DERA: variants seen among roughly 807,000 people sequenced by gnomAD.
DERA encodes 2-deoxy-D-ribose 5-phosphate aldolase.
A neutral mutation model predicts 41.1 loss-of-function variants in DERA; 15 were observed. That is an observed-to-expected ratio of 0.37 (90% CI 0.24 to 0.56). DERA has a LOEUF of 0.56. Ranked by LOEUF, DERA falls within the 20% of genes least tolerant of loss-of-function variation. DERA has a pLI of 0.81. For synonymous variants in DERA, 139 were observed against 137.4 expected, an observed-to-expected ratio of 1.01 and a Z score of -0.08; for missense variants, 396 against 403.4, an observed-to-expected ratio of 0.98 and a Z score of 0.16.
intron 1 of DERA, among the ~76,000 whole-genome samples, chr12:15,916,587 A>G (rs1215202893): frequency 1.3e-5 from 2 of 150,698 alleles, no homozygotes; most frequent in African/African-American, 4.9e-5. Context: ...AGTAGCTGGG[A>G]TTACAGGCAT....
chr12:15,919,362 A>G (rs1948224911), intron 1 of DERA, among the ~76,000 whole-genome samples: 1 of 152,208 alleles, frequency 6.6e-6, no homozygotes, highest in South Asian at 2.1e-4. Flanking sequence ...CTGCCAGGAA[A>G]GAAAGACTAG....
At chr12:15,930,118 A>G (rs1221826576) in intron 1 of DERA, among the ~76,000 whole-genome samples, 1 of 152,212 alleles carries the variant, frequency 6.6e-6, no homozygotes, top group African/African-American at 2.4e-5. Context: ...GAGCCACAAT[A>G]AGAATTACAG....
rs1018837907 is a variant in DERA, at chr12:15,981,514, CTTAAATAA to C, written c.509-791_509-784del. On this transcript the variant is annotated intron_variant, in intron 5 of 8. Transcript: ENST00000428559. This position sits in a 1 kb window ranked among gnomAD's most constrained non-coding sequence, Gnocchi z 6.1. The stretch of plus-strand genomic sequence containing the variant: ...ATTCACTAGTATCATTGACAAAAGA[CTTAAATAA>C]TTTTTTAAAGATTTAATACACATGA... Among the ~76,000 whole-genome samples the C allele has an allele frequency of 6.6e-6, 1 of 152,154 alleles. No individual in the cohort carries two copies. Among genetic ancestry groups the C allele is most frequent in the Admixed American group, 6.5e-5 (1 of 15,278 alleles).
intron 4 of DERA, among the ~76,000 whole-genome samples, chr12:15,960,467 ATC>A (rs933258498): frequency 4.0e-5 from 6 of 151,110 alleles, no homozygotes; most frequent in Admixed American, 6.6e-5. Flanking sequence ...GCAAAACCCC[ATC>A]TCTACTAAAA....
chr12:15,912,744 A>G (rs1948173622), intron 1 of DERA, among the ~76,000 whole-genome samples: 1 of 152,228 alleles, frequency 6.6e-6, no homozygotes, highest in Non-Finnish European at 1.5e-5. Flanking sequence ...TGTAACACAT[A>G]CAGGTAGGTC....
At chr12:15,977,995 A>G (rs1250806854) in intron 5 of DERA, among the ~76,000 whole-genome samples, 1 of 152,212 alleles carries the variant, frequency 6.6e-6, no homozygotes, top group African/African-American at 2.4e-5. Context: ...CAGCAGTTAT[A>G]ATAACTCCAT....
rs551618460 is a variant in DERA at position 16,014,845 on chromosome 12, C to T, written c.638-17697C>T. Among the ~76,000 whole-genome samples the T allele has an allele frequency of 6.6e-6, 1 of 152,322 alleles. No homozygotes were observed. The highest frequency in any genetic ancestry group is 2.1e-4 in the South Asian group (1 of 4,826). On this transcript the variant is annotated intron_variant, in intron 6 of 8. Transcript: ENST00000428559. The surrounding 1 kb of genome is among the most constrained non-coding windows in gnomAD (Gnocchi z 5.4). Reference sequence around the variant, plus strand: ...ACCCTGCAAAGCCACAGGGGTGGAGCTGCCCAAGACCATTGGAACCCACCT... The same window carrying T: ...ACCCTGCAAAGCCACAGGGGTGGAGTTGCCCAAGACCATTGGAACCCACCT...
At position 15,960,636 on chromosome 12, in the gene DERA, C is replaced by CAAAAAAAAAAAAAAAAAAAA. The variant is rs1163104277; in HGVS notation, c.373+720_373+739dup. On this transcript the variant is annotated intron_variant, in intron 4 of 8. Coordinates refer to ENST00000428559, the MANE Select transcript of DERA (RefSeq NM_015954.4). ...TGGGTGATAGACCAAGACTCCGTCTCAAAAAAAAAAAAAAAAAAAAAAAAA... is the reference window on the plus strand; with the variant it reads ...TGGGTGATAGACCAAGACTCCGTCTCAAAAAAAAAAAAAAAAAAAAAAAAAAAAAAAAAAAAAAAAAAAAA... 7.0e-5 allele frequency among the ~76,000 whole-genome samples: 2 copies of CAAAAAAAAAAAAAAAAAAAA among 28,718 alleles called. 1 individual carries two copies. Among genetic ancestry groups the CAAAAAAAAAAAAAAAAAAAA allele is most frequent in the African/African-American group, 2.5e-4 (2 of 7,850 alleles). 18.8% of individuals were successfully genotyped at this position (28,718 alleles called of 152,430 possible).
chr12:16,007,584 AG>A (rs1948920731), intron 6 of DERA, among the ~76,000 whole-genome samples: 1 of 152,222 alleles, frequency 6.6e-6, no homozygotes, highest in Non-Finnish European at 1.5e-5. Context: ...GAAAGTGGAT[AG>A]TAGATTGTGC....
rs1341283030 is a variant in DERA, at chr12:16,014,093, T to A, written c.638-18449T>A. ...CCTTCACAAGGAGATCATTTGGAAT[T>A]GGAACTTAGTTTAAAAGGGAAGCAG... On this transcript the variant is annotated intron_variant, in intron 6 of 8. Transcript: ENST00000428559. This position sits in a 1 kb window ranked among gnomAD's most constrained non-coding sequence, Gnocchi z 5.4. Among the ~76,000 whole-genome samples, 1 of 152,206 alleles carries A rather than the reference T, an allele frequency of 6.6e-6. No homozygotes were observed. Among genetic ancestry groups the A allele is most frequent in the East Asian group, 1.9e-4 (1 of 5,192 alleles).
rs1948546797 is a variant in DERA, at chr12:15,957,170, T to C, written c.129+137T>C. On this transcript the variant is annotated intron_variant, in intron 2 of 8. Coordinates refer to ENST00000428559, the MANE Select transcript of DERA (RefSeq NM_015954.4). This position sits in a 1 kb window ranked among gnomAD's most constrained non-coding sequence, Gnocchi z 4.8. ...AGCTGTCCATGACTTATTTTAATAA[T>C]TCATATATGATGATGATGGGTTGGA... 1.0e-5 allele frequency: 7 copies of C among 674,466 alleles called. No individual in the cohort carries two copies. The highest frequency in any genetic ancestry group is 2.6e-5 in the Admixed American group (1 of 38,578). The allele number at this position is 674,466 out of a possible 1,614,324, so 41.8% of individuals were successfully genotyped here.
chr12:16,016,432 C>T (rs1948982557), intron 6 of DERA, among the ~76,000 whole-genome samples: 1 of 152,086 alleles, frequency 6.6e-6, no homozygotes, highest in African/African-American at 2.4e-5. Flanking sequence ...GAGAAGTGGT[C>T]TTGTAAACAC....
At position 15,958,209 on chromosome 12, in the gene DERA, G is replaced by A; in HGVS notation, c.151G>A (p.Val51Ile). The A allele has an allele frequency of 6.3e-7, 1 of 1,575,680 alleles. No individual in the cohort carries two copies. Among genetic ancestry groups the A allele is most frequent in the South Asian group, 1.2e-5 (1 of 84,232 alleles). Residue 51 changes from valine (V) to isoleucine (I), a missense_variant, in exon 3 of 9, where the codon GTT becomes ATT. Coordinates refer to ENST00000428559, the MANE Select transcript of DERA (RefSeq NM_015954.4). Reference sequence around the variant, plus strand: ...CCAGGCTGCTTGGCTCCTGAAAGCTGTTACCTTTATAGATCTTACTACACT... The same window carrying A: ...CCAGGCTGCTTGGCTCCTGAAAGCTATTACCTTTATAGATCTTACTACACT... The part of the protein sequence containing the change: ...EWQAAWLLKA[V>I]TFIDLTTLSG...
intron 1 of DERA, among the ~76,000 whole-genome samples, chr12:15,951,209 C>G (rs1412921601): frequency 6.6e-6 from 1 of 152,232 alleles, no homozygotes; most frequent in African/African-American, 2.4e-5. Context: ...AGAGCAGGCT[C>G]TAAGTAGAGT....
At chr12:15,977,702 C>T (rs1421728337) in intron 5 of DERA, among the ~76,000 whole-genome samples, 1 of 152,218 alleles carries the variant, frequency 6.6e-6, no homozygotes, top group Non-Finnish European at 1.5e-5. Context: ...AGGTGATCCA[C>T]CTGCCTTAGC....
At chr12:15,956,387 A>G (rs1948538849) in intron 1 of DERA, among the ~76,000 whole-genome samples, 1 of 152,204 alleles carries the variant, frequency 6.6e-6, no homozygotes, top group African/African-American at 2.4e-5. Context: ...ATATCAGTCA[A>G]TGTTGTTATT....
In DERA at chr12:15,984,035, T is replaced by C. The variant is rs1263369478; in HGVS notation, c.637+1599T>C. Among the ~76,000 whole-genome samples the C allele has an allele frequency of 1.3e-5, 2 of 152,160 alleles. No individual in the cohort carries two copies. Among genetic ancestry groups the C allele is most frequent in the Non-Finnish European group, 2.9e-5 (2 of 68,016 alleles). ...TACAGGTAGCCCCCCTTTATGCTGCTTGCCAGCACAAGTGATTGTTAGCCC... is the reference window on the plus strand; with the variant it reads ...TACAGGTAGCCCCCCTTTATGCTGCCTGCCAGCACAAGTGATTGTTAGCCC... On this transcript the variant is annotated intron_variant, in intron 6 of 8. Transcript: ENST00000428559. This position sits in a 1 kb window ranked among gnomAD's most constrained non-coding sequence, Gnocchi z 4.5.
At chr12:15,958,142 T>G (rs1592018891) in intron 2 of DERA, 46 bp from the exon 3 acceptor site, 1 of 1,492,818 alleles carries the variant, frequency 6.7e-7, no homozygotes, top group Non-Finnish European at 8.9e-7. Flanking sequence ...TTGGTTGGTT[T>G]GTTTATTTAT....
At chr12:15,952,275 T>A (rs996495516) in intron 1 of DERA, among the ~76,000 whole-genome samples, 1 of 152,246 alleles carries the variant, frequency 6.6e-6, no homozygotes, top group Admixed American at 6.5e-5. Flanking sequence ...TGGACATGGA[T>A]CTTGGTGTCA....
Sources: gnomAD v4.1 joint callset for allele counts (sites outside exome capture counted in the v4.1 genomes callset) on GRCh38, gnomAD v4.1.1 for gene constraint, Gnocchi (gnomAD v3.1) non-coding constraint, MANE v1.5 for transcripts, NCBI Gene and HGNC (gene_info 2026-07-23, HGNC 2026-07-21) for gene names.